Variants in DNMT3A observed in about 807,000 individuals in gnomAD.
The protein encoded by DNMT3A is DNA methyltransferase 3 alpha, also known as DNA (cytosine-5)-methyltransferase 3A.
DNMT3A carries 267 observed loss-of-function variants against 117.6 expected under a neutral mutation model. The observed-to-expected ratio is 2.27, with a 90% CI of 2.05 to 2.51. The LOEUF (loss-of-function observed/expected upper bound fraction) is 2.51. Among genes scored for constraint, DNMT3A ranks in the 30% most tolerant of loss-of-function variants. DNMT3A has a pLI of 0.00. For missense variants in DNMT3A, 1,029 were observed against 1,260.2 expected (o/e 0.82, Z 2.78); for synonymous variants, 432 against 474.8 (o/e 0.91, Z 1.17).
At chr2:25,301,588 GA>G (rs899302078) in intron 2 of DNMT3A, among the ~76,000 whole-genome samples, 1 of 152,158 alleles carries the variant, frequency 6.6e-6, no homozygotes, top group African/African-American at 2.4e-5. Flanking sequence ...CATAAACCTA[GA>G]AAGTCCTGCC....
In DNMT3A at chr2:25,247,619, ATGACCCAG is replaced by A; in HGVS notation, c.978_985del (p.Trp327ValfsTer13). ...TGAGAATTTGCCGTCTCCGAACCAC[ATGACCCAG>A]CGGGTGCCTTCAGCTGCTCGGCTCC... On this transcript the variant is annotated frameshift_variant, in exon 8 of 23. Coordinates refer to ENST00000321117, the MANE Select transcript of DNMT3A (RefSeq NM_022552.5). LOFTEE classifies it high-confidence loss of function. The surrounding 1 kb of genome is among the most constrained non-coding windows in gnomAD (Gnocchi z 5.6). 6.2e-7 allele frequency: 1 copy of A among 1,613,932 alleles called. No individual in the cohort carries two copies. The highest frequency in any genetic ancestry group is 8.5e-7 in the Non-Finnish European group (1 of 1,179,964).
chr2:25,267,503 A>C (rs2030465797), intron 6 of DNMT3A, among the ~76,000 whole-genome samples: 1 of 152,158 alleles, frequency 6.6e-6, no homozygotes, highest in African/African-American at 2.4e-5. Context: ...TGAGCCAAGA[A>C]GTTGAGGCTG....
chr2:25,330,348 G>A (rs983346989), intron 1 of DNMT3A, among the ~76,000 whole-genome samples: 3 of 152,264 alleles, frequency 2.0e-5, no homozygotes, highest in East Asian at 1.9e-4. Flanking sequence ...CGGATGGACC[G>A]CAGCCCCCAC....
At chr2:25,250,618 G>A (rs1417697933) in intron 6 of DNMT3A, among the ~76,000 whole-genome samples, 1 of 152,212 alleles carries the variant, frequency 6.6e-6, no homozygotes, top group African/African-American at 2.4e-5. Context: ...TATGGGGGAG[G>A]GTGCCTCCCT....
intron 6 of DNMT3A, among the ~76,000 whole-genome samples, chr2:25,274,720 A>G (rs536173103): frequency 6.6e-6 from 1 of 152,342 alleles, no homozygotes; most frequent in Non-Finnish European, 1.5e-5. Flanking sequence ...ACTCCATGAG[A>G]GCAGGAACCG....
chr2:25,289,772 A>G (rs2032606639), intron 3 of DNMT3A, among the ~76,000 whole-genome samples: 1 of 152,184 alleles, frequency 6.6e-6, no homozygotes, highest in Admixed American at 6.5e-5. Flanking sequence ...CAAAAGACAG[A>G]GGCAAGGCAA....
chr2:25,248,344 G>T, intron 6 of DNMT3A, 92 bp from the exon 7 acceptor site: 1 of 1,412,868 alleles, frequency 7.1e-7, no homozygotes. Flanking sequence ...GTCAAAACCC[G>T]GAACAGTGAC....
chr2:25,281,564 G>C lies in DNMT3A; in HGVS notation c.448+877C>G, dbSNP rs914514245. The C allele has an allele frequency of 7.0e-5, 74 of 1,062,272 alleles. No homozygotes were observed. Among genetic ancestry groups the C allele is most frequent in the Non-Finnish European group, 7.9e-5 (69 of 877,498 alleles). 65.8% of individuals were successfully genotyped at this position (1,062,272 alleles called of 1,614,324 possible). ...TCAATTTACTCATTTCATCATACAC[G>C]CTTGGAAGGAAGACTTTTTGAAATT... On this transcript the variant is annotated intron_variant, in intron 4 of 22. Transcript: ENST00000321117. The surrounding 1 kb of genome is among the most constrained non-coding windows in gnomAD (Gnocchi z 4.8).
At chr2:25,256,664 C>A (rs886681132) in intron 6 of DNMT3A, among the ~76,000 whole-genome samples, 2 of 152,136 alleles carry the variant, frequency 1.3e-5, no homozygotes, top group Non-Finnish European at 2.9e-5. Flanking sequence ...GGCCCCTCAC[C>A]CTTATCCTCC....
At chr2:25,307,040 C>G (rs55815654) in intron 2 of DNMT3A, among the ~76,000 whole-genome samples, 1 of 152,204 alleles carries the variant, frequency 6.6e-6, no homozygotes, top group African/African-American at 2.4e-5. Context: ...AGTTCCTCAT[C>G]GGTAAAATGG....
chr2:25,246,514 C>A, intron 10 of DNMT3A, 106 bp downstream of exon 10: 3 of 1,498,254 alleles, frequency 2.0e-6, no homozygotes, highest in Non-Finnish European at 2.7e-6. Flanking sequence ...CCCACTGGGC[C>A]CCTCTGTGGA....
Position 25,247,058 on chromosome 2 carries a change from A to G in DNMT3A, c.1115T>C (p.Val372Ala), listed in dbSNP as rs773722655. ...CCCAGCAGGGACACTCACCTGCAGG[A>G]CCTCGTAGATGGCTTTGCGGTACAT... The part of the protein sequence containing the change: ...QPMYRKAIYE[V>A]LQVASSRAGK... Residue 372 changes from valine (V) to alanine (A), a missense_variant, in exon 9 of 23, where the codon GTC (valine) becomes GCC (alanine). By Grantham distance (64) the Val-to-Ala change is moderately conservative. Coordinates refer to ENST00000321117, the MANE Select transcript of DNMT3A (RefSeq NM_022552.5). The surrounding 1 kb of genome is among the most constrained non-coding windows in gnomAD (Gnocchi z 5.6). 1 of 1,613,918 alleles carries G rather than the reference A, an allele frequency of 6.2e-7. No homozygotes were observed. Among genetic ancestry groups the G allele is most frequent in the Non-Finnish European group, 8.5e-7 (1 of 1,179,896 alleles).
chr2:25,235,740 TTCTC>T lies in DNMT3A; in HGVS notation c.2560_2563del (p.Glu854LysfsTer26). 6.2e-7 allele frequency: 1 copy of T among 1,614,190 alleles called. No individual in the cohort carries two copies. Among genetic ancestry groups the T allele is most frequent in the Non-Finnish European group, 8.5e-7 (1 of 1,180,014 alleles). ...TTCAGTGCACCATAAGATGTCCTCT[TTCTC>T]ATTCATGAAGACAGGAAAATGCTGG... On this transcript the variant is annotated frameshift_variant, in exon 22 of 23. Coordinates refer to ENST00000321117, the MANE Select transcript of DNMT3A (RefSeq NM_022552.5). LOFTEE classifies it high-confidence loss of function.
intron 1 of DNMT3A, among the ~76,000 whole-genome samples, chr2:25,336,073 G>C (rs567216042): frequency 6.6e-6 from 1 of 152,360 alleles, no homozygotes; most frequent in Admixed American, 6.5e-5. Context: ...CTCCAGACAG[G>C]TTGGTGGCCT....
At chr2:25,334,135 C>CG (rs1422544166) in intron 1 of DNMT3A, among the ~76,000 whole-genome samples, 1 of 152,116 alleles carries the variant, frequency 6.6e-6, no homozygotes, top group Non-Finnish European at 1.5e-5. Context: ...GGGGCAGCCT[C>CG]GGGGGAAGGG....
At chr2:25,324,110 C>G (rs558642460) in intron 1 of DNMT3A, among the ~76,000 whole-genome samples, 1 of 152,190 alleles carries the variant, frequency 6.6e-6, no homozygotes, top group Admixed American at 6.5e-5. Flanking sequence ...GCAGTGGGAG[C>G]GGGGAAGGAG....
chr2:25,292,285 G>A (rs919373298), intron 3 of DNMT3A, among the ~76,000 whole-genome samples: 4 of 152,086 alleles, frequency 2.6e-5, no homozygotes, highest in Non-Finnish European at 4.4e-5. Flanking sequence ...GGGAGGCAAA[G>A]GTTGCAGTGA....
At chr2:25,338,690 G>A (rs923254074) in intron 1 of DNMT3A, among the ~76,000 whole-genome samples, 2 of 152,208 alleles carry the variant, frequency 1.3e-5, no homozygotes, top group African/African-American at 4.8e-5. Flanking sequence ...TGAGAGCGGG[G>A]ACAGACACAT....
At chr2:25,285,805 G>A (rs1437993013) in intron 3 of DNMT3A, among the ~76,000 whole-genome samples, 1 of 152,190 alleles carries the variant, frequency 6.6e-6, no homozygotes, top group African/African-American at 2.4e-5. Context: ...CCTCCCTGGT[G>A]TAAACCCTGT....
Sources: gnomAD v4.1 joint callset for allele counts (sites outside exome capture counted in the v4.1 genomes callset) on GRCh38, gnomAD v4.1.1 for gene constraint, Gnocchi (gnomAD v3.1) non-coding constraint, MANE v1.5 for transcripts, NCBI Gene and HGNC (gene_info 2026-07-23, HGNC 2026-07-21) for gene names.